The following HCN1 variants were observed in gnomAD, a reference collection of about 807,000 sequenced individuals.
The protein encoded by HCN1 is potassium/sodium hyperpolarization-activated cyclic nucleotide-gated channel 1.
HCN1 carries 13 observed loss-of-function variants against 78.9 expected under a neutral mutation model. The observed-to-expected ratio is 0.16, with a 90% CI of 0.11 to 0.26. The LOEUF is 0.26. Among genes scored for constraint, HCN1 ranks in the 10% least tolerant of loss-of-function variants. HCN1 has a pLI of 1.00. For synonymous variants in HCN1, 552 were observed against 455.5 expected, an observed-to-expected ratio of 1.21 and a Z score of -2.70; for missense variants, 810 against 1,154.3, an observed-to-expected ratio of 0.70 and a Z score of 4.32.
At chr5:45,575,636 T>G (rs1456814864) in intron 2 of HCN1, 1 of 152,058 alleles carries the variant, frequency 6.6e-6, no homozygotes, top group Non-Finnish European at 1.5e-5. Context: ...ATAACAAAGC[T>G]TGGATGTCAG....
chr5:45,446,201 A>T (rs2079043589), intron 3 of HCN1, among the ~76,000 whole-genome samples: 1 of 152,234 alleles, frequency 6.6e-6, no homozygotes, highest in Admixed American at 6.5e-5. Context: ...AAAGGAGCTG[A>T]TGGAGCTGAA....
intron 2 of HCN1, among the ~76,000 whole-genome samples, chr5:45,493,597 T>A (rs866737396): frequency 3.1e-4 from 47 of 152,118 alleles, no homozygotes; most frequent in Middle Eastern, 3.4e-3. Flanking sequence ...GCTTTTATTT[T>A]TTTTTATTTA....
In HCN1 at chr5:45,303,783, A is replaced by G; in HGVS notation, c.1434T>C (p.Asn478=). ...KLVATMPLFA[N]ADPNFVTAML... The stretch of plus-strand genomic sequence containing the variant: ...TGGCAGTCACAAAATTAGGATCCGC[A>G]TTAGCAAATAAAGGCATTGTAGCCA... Residue 478 remains asparagine (N), a synonymous_variant, in exon 6 of 8, where the codon AAT becomes AAC. Coordinates refer to ENST00000303230, the MANE Select transcript of HCN1 (RefSeq NM_021072.4). The G allele has an allele frequency of 6.2e-7, 1 of 1,613,710 alleles. No homozygotes were observed. The highest frequency in any genetic ancestry group is 1.1e-5 in the South Asian group (1 of 91,088).
intron 3 of HCN1, among the ~76,000 whole-genome samples, chr5:45,423,020 T>TA (rs1366498470): frequency 6.6e-6 from 1 of 151,992 alleles, no homozygotes; most frequent in Non-Finnish European, 1.5e-5. Context: ...ATTTAGTTAT[T>TA]AAAAATAACT....
chr5:45,667,128 C>T (rs974694774), intron 1 of HCN1, among the ~76,000 whole-genome samples: 3 of 151,938 alleles, frequency 2.0e-5, no homozygotes, highest in African/African-American at 7.2e-5. Context: ...ACTGGTCCTA[C>T]AAACCTCACC....
chr5:45,630,007 G>T (rs942843074), intron 2 of HCN1, among the ~76,000 whole-genome samples: 3 of 152,100 alleles, frequency 2.0e-5, no homozygotes, highest in Non-Finnish European at 2.9e-5. Context: ...TACCCCAGAG[G>T]CTGCTCTGAG....
chr5:45,613,459 A>G (rs1744883066), intron 2 of HCN1, among the ~76,000 whole-genome samples: 2 of 151,964 alleles, frequency 1.3e-5, no homozygotes, highest in African/African-American at 4.8e-5. Context: ...AAAAGTCTGG[A>G]AACAACAGGT....
intron 2 of HCN1, among the ~76,000 whole-genome samples, chr5:45,552,963 G>A (rs1743397056): frequency 6.6e-6 from 1 of 151,852 alleles, no homozygotes; most frequent in South Asian, 2.1e-4. Flanking sequence ...CAATCAAAGT[G>A]AAGTTCAGAA....
At chr5:45,439,414 C>T (rs974424488) in intron 3 of HCN1, among the ~76,000 whole-genome samples, 5 of 151,904 alleles carry the variant, frequency 3.3e-5, no homozygotes, top group African/African-American at 1.2e-4. Context: ...GATACCTTAA[C>T]CTTCAAATTA....
intron 3 of HCN1, among the ~76,000 whole-genome samples, chr5:45,452,947 C>T (rs1457885381): frequency 6.6e-6 from 1 of 151,976 alleles, no homozygotes; most frequent in African/African-American, 2.4e-5. Flanking sequence ...TATCACATGG[C>T]TTTCTTCATG....
intron 3 of HCN1, among the ~76,000 whole-genome samples, chr5:45,417,772 A>T (rs1231548534): frequency 6.7e-6 from 1 of 150,074 alleles, no homozygotes; most frequent in Non-Finnish European, 1.5e-5. Flanking sequence ...AAAAAAAAAA[A>T]AAAAACAAGG....
chr5:45,375,331 GAT>G (rs1747599190), intron 4 of HCN1, among the ~76,000 whole-genome samples: 3 of 116,746 alleles, frequency 2.6e-5, no homozygotes, highest in African/African-American at 1.0e-4. Flanking sequence ...AATATTTTAT[GAT>G]ATACAATATA....
intron 2 of HCN1, among the ~76,000 whole-genome samples, chr5:45,596,423 A>G (rs898543251): frequency 6.6e-6 from 1 of 152,360 alleles, no homozygotes; most frequent in African/African-American, 2.4e-5. Context: ...ACAAAGACTG[A>G]AATCTATAAT....
intron 2 of HCN1, among the ~76,000 whole-genome samples, chr5:45,482,678 T>C (rs990787346): frequency 2.0e-5 from 3 of 152,136 alleles, no homozygotes; most frequent in African/African-American, 7.2e-5. Context: ...GAATATTTCA[T>C]GGTGCTAAGG....
chr5:45,637,708 C>G (rs997919058), intron 2 of HCN1, among the ~76,000 whole-genome samples: 1 of 151,944 alleles, frequency 6.6e-6, no homozygotes, highest in Non-Finnish European at 1.5e-5. Context: ...AACATGAACA[C>G]ATATTTTCAT....
chr5:45,333,283 C>A (rs1417091476), intron 5 of HCN1, among the ~76,000 whole-genome samples: 2 of 151,822 alleles, frequency 1.3e-5, no homozygotes, highest in African/African-American at 4.8e-5. Flanking sequence ...ATTTGTATGT[C>A]TTCTTCTGAG....
intron 3 of HCN1, among the ~76,000 whole-genome samples, chr5:45,458,203 A>T (rs912727111): frequency 6.6e-6 from 1 of 151,992 alleles, no homozygotes; most frequent in African/African-American, 2.4e-5. Flanking sequence ...AGCTAGTGGG[A>T]TACAGATAAA....
At chr5:45,281,615 G>C (rs1248159964) in intron 6 of HCN1, among the ~76,000 whole-genome samples, 1 of 122,428 alleles carries the variant, frequency 8.2e-6, no homozygotes, top group Non-Finnish European at 1.6e-5. Flanking sequence ...TTGAGACGGA[G>C]TCTCACTCTG....
At chr5:45,395,991 T>A (rs1205441819) in intron 4 of HCN1, among the ~76,000 whole-genome samples, 1 of 152,154 alleles carries the variant, frequency 6.6e-6, no homozygotes, top group Non-Finnish European at 1.5e-5. Context: ...GTTTTAAGAC[T>A]GGAGAGTGTG....
Sources: gnomAD v4.1 joint callset for allele counts (sites outside exome capture counted in the v4.1 genomes callset) on GRCh38, gnomAD v4.1.1 for gene constraint, MANE v1.5 for transcripts, NCBI Gene and HGNC (gene_info 2026-07-23, HGNC 2026-07-21) for gene names.